TENM3: variants seen among roughly 807,000 people sequenced by gnomAD.
TENM3 encodes teneurin transmembrane protein 3, also known as teneurin-3.
TENM3 carries 63 observed loss-of-function variants against 255.1 expected under a neutral mutation model. That is an observed-to-expected ratio of 0.25 (90% CI 0.20 to 0.30). TENM3 has a LOEUF of 0.30. TENM3 is among the 10% of genes least tolerant of loss of function. The pLI, the probability that TENM3 is intolerant of heterozygous loss-of-function variation, is 1.00. For synonymous variants in TENM3, 1,306 were observed against 1,322.3 expected, an observed-to-expected ratio of 0.99 and a Z score of 0.27; for missense variants, 2,929 against 3,461.1, an observed-to-expected ratio of 0.85 and a Z score of 3.86.
chr4:182,573,860 CTG>C (rs1477644244), intron 3 of TENM3, among the ~76,000 whole-genome samples: 5 of 152,208 alleles, frequency 3.3e-5, no homozygotes, highest in South Asian at 2.1e-4. Context: ...ACTGAAATGA[CTG>C]TGCTTAAGCA....
chr4:182,772,431 T>C (rs1764319908), intron 22 of TENM3: 1 of 152,222 alleles, frequency 6.6e-6, no homozygotes, highest in Admixed American at 6.5e-5. Context: ...GGATGTTGAT[T>C]CAGGTCTCCA....
At chr4:182,662,137 G>A (rs1754278984) in intron 6 of TENM3, among the ~76,000 whole-genome samples, 1 of 152,172 alleles carries the variant, frequency 6.6e-6, no homozygotes, top group African/African-American at 2.4e-5. Flanking sequence ...CTGAAAAGCT[G>A]TCACTCCACT....
intron 3 of TENM3, among the ~76,000 whole-genome samples, chr4:182,470,985 CA>C (rs1733068003): frequency 6.6e-6 from 1 of 152,134 alleles, no homozygotes; most frequent in East Asian, 1.9e-4. Flanking sequence ...CTTCTAGTAA[CA>C]GAGTTTACCA....
chr4:182,035,720 T>C, the TENM3 span, among the ~76,000 whole-genome samples: 8 of 152,300 alleles, frequency 5.3e-5, no homozygotes, highest in Non-Finnish European at 1.2e-4. Context: ...AAGCTTTCCG[T>C]CCTTTTTCAA....
chr4:182,738,272 T>C (rs1761325028), intron 17 of TENM3, 129 bp from the exon 18 acceptor site: 1 of 705,962 alleles, frequency 1.4e-6, no homozygotes, highest in East Asian at 2.9e-5. Flanking sequence ...AAAAATAAAC[T>C]GCTCATAAAT....
At chr4:181,448,154 A>ATTTT in the TENM3 span, among the ~76,000 whole-genome samples, 241 of 90,108 alleles carry the variant, frequency 2.7e-3, 11 homozygotes, top group East Asian at 0.014. Flanking sequence ...AAATCCAGTA[A>ATTTT]TTTTTTTTTT....
the TENM3 span, among the ~76,000 whole-genome samples, chr4:181,449,482 A>C: frequency 6.6e-6 from 1 of 152,198 alleles, no homozygotes; most frequent in Non-Finnish European, 1.5e-5. Flanking sequence ...GTTGAAAGTT[A>C]GAAAGAAACA....
At chr4:182,601,262 G>A in intron 4 of TENM3, 101 bp downstream of exon 4, 1 of 968,474 alleles carries the variant, frequency 1.0e-6, no homozygotes, top group Non-Finnish European at 1.6e-6. Flanking sequence ...GGGTTTTGTT[G>A]TTGTTGTGTT....
the TENM3 span, among the ~76,000 whole-genome samples, chr4:182,025,092 G>C: frequency 2.7e-5 from 4 of 146,026 alleles, no homozygotes; most frequent in African/African-American, 7.8e-5. Context: ...GCAGTGGCGC[G>C]ACCTCGGCTC....
the TENM3 span, among the ~76,000 whole-genome samples, chr4:181,492,676 T>C: frequency 9.0e-3 from 1,365 of 152,336 alleles, 17 homozygotes; most frequent in South Asian, 0.033. Context: ...AGATTTTTTT[T>C]ATCCCAGCTA....
chr4:182,362,969 T>C (rs989620642), intron 3 of TENM3, among the ~76,000 whole-genome samples: 3 of 152,218 alleles, frequency 2.0e-5, no homozygotes, highest in African/African-American at 7.2e-5. Context: ...CTGAAAAAGA[T>C]ACCTTTCTGT....
At chr4:181,987,672 C>T in the TENM3 span, among the ~76,000 whole-genome samples, 14 of 152,138 alleles carry the variant, frequency 9.2e-5, no homozygotes, top group Non-Finnish European at 1.5e-4. Flanking sequence ...TGTCAGACAA[C>T]GGCATAAGGA....
At chr4:182,448,884 C>G (rs1005301722) in intron 3 of TENM3, 27 of 222,436 alleles carry the variant, frequency 1.2e-4, no homozygotes, top group Non-Finnish European at 2.2e-4. Flanking sequence ...CGGTGGCGGC[C>G]CGGCGCGAAG....
At chr4:182,082,177 C>T in the TENM3 span, among the ~76,000 whole-genome samples, 1 of 152,266 alleles carries the variant, frequency 6.6e-6, no homozygotes, top group South Asian at 2.1e-4. Context: ...AGTCCAAGAT[C>T]AAGGTGCCAG....
chr4:182,776,891 AAGG>A (rs1051823591), intron 24 of TENM3, among the ~76,000 whole-genome samples: 2 of 152,190 alleles, frequency 1.3e-5, no homozygotes, highest in African/African-American at 4.8e-5. Flanking sequence ...ATCCCACTGA[AAGG>A]AGATTTCCAG....
In TENM3 at chr4:182,517,469, C is replaced by T. The variant is rs557848022; in HGVS notation, c.512-83455C>T. ...TGCGATCTCGGCTCGCTGCAAGCTCCGCCTCCCGGGTTCACGCCATTCTCC... is the reference window on the plus strand; with the variant it reads ...TGCGATCTCGGCTCGCTGCAAGCTCTGCCTCCCGGGTTCACGCCATTCTCC... On this transcript the variant is annotated intron_variant, in intron 3 of 27. Transcript: ENST00000511685. 3.9e-4 allele frequency among the ~76,000 whole-genome samples: 57 copies of T among 146,460 alleles called. 2 individuals carry two copies. Among genetic ancestry groups the T allele is most frequent in the African/African-American group, 1.3e-3 (52 of 39,396 alleles).
chr4:182,700,597 C>G (rs56379951), intron 12 of TENM3, among the ~76,000 whole-genome samples: 47,625 of 152,044 alleles, frequency 0.31, 8,066 homozygotes, highest in Non-Finnish European at 0.38. Context: ...GAAGCTGGAA[C>G]CCAGCTGTCT....
chr4:182,661,278 G>A (rs1754206334), intron 6 of TENM3, among the ~76,000 whole-genome samples: 1 of 128,656 alleles, frequency 7.8e-6, no homozygotes, highest in African/African-American at 3.0e-5. Context: ...TTGGCTCACT[G>A]TAAGCTCCAC....
the TENM3 span, among the ~76,000 whole-genome samples, chr4:181,911,711 GTC>G: frequency 1.3e-5 from 2 of 152,218 alleles, no homozygotes; most frequent in East Asian, 3.9e-4. Context: ...TATTTGCTGA[GTC>G]TAATATCCTT....
Sources: allele counts gnomAD v4.1 joint callset (sites outside exome capture counted in the v4.1 genomes callset), GRCh38; gene constraint gnomAD v4.1.1; transcripts MANE v1.5; gene names NCBI Gene and HGNC (gene_info 2026-07-23, HGNC 2026-07-21).